GPR137C: variants seen among roughly 807,000 people sequenced by gnomAD.
The protein encoded by GPR137C is G protein-coupled receptor 137C.
GPR137C carries 27 observed loss-of-function variants against 43.4 expected under a neutral mutation model. That is an observed-to-expected ratio of 0.62 (90% CI 0.46 to 0.86). The LOEUF (loss-of-function observed/expected upper bound fraction) is 0.86. Ranked by LOEUF, GPR137C falls within the 40% of genes least tolerant of loss-of-function variation. GPR137C has a pLI of 0.00. For missense variants in GPR137C, 522 were observed against 534.6 expected, an observed-to-expected ratio of 0.98 and a Z score of 0.23; for synonymous variants, 285 against 226.9, an observed-to-expected ratio of 1.26 and a Z score of -2.30.
At chr14:52,558,791 A>G (rs919281796) in intron 1 of GPR137C, among the ~76,000 whole-genome samples, 2 of 152,246 alleles carry the variant, frequency 1.3e-5, no homozygotes, top group South Asian at 2.1e-4. Flanking sequence ...ACTGAAATGG[A>G]TGGTTAAACA....
Position 52,603,692 on chromosome 14 carries a change from G to A in GPR137C, c.717+3351G>A, listed in dbSNP as rs572530934. ...TGGGATTACAGGTGCCTGACACCAC[G>A]CCTGGCTAAATTTTTTTTGTGTTAT... is the stretch of plus-strand genomic sequence containing the variant. On this transcript the variant is annotated intron_variant, in intron 3 of 6. Coordinates refer to ENST00000321662, the MANE Select transcript of GPR137C (RefSeq NM_001099652.2). 7.2e-4 allele frequency among the ~76,000 whole-genome samples: 109 copies of A among 151,890 alleles called. 1 individual carries two copies. The highest frequency in any genetic ancestry group is 3.2e-3 in the Middle Eastern group (1 of 316).
At chr14:52,581,178 AGAGT>A (rs1303385506) in intron 1 of GPR137C, among the ~76,000 whole-genome samples, 2 of 146,910 alleles carry the variant, frequency 1.4e-5, no homozygotes, top group Non-Finnish European at 3.0e-5. Context: ...CCTCGGTGAC[AGAGT>A]GAGACTTCTT....
In GPR137C at chr14:52,554,946, G is replaced by A. The variant is rs578066620; in HGVS notation, c.444+1355G>A. Among the ~76,000 whole-genome samples, 49 of 151,934 alleles carry A rather than the reference G, an allele frequency of 3.2e-4. 3 individuals carry two copies. In the South Asian group the frequency reaches 1.0e-2, roughly 31 times the overall value. On this transcript the variant is annotated intron_variant, in intron 1 of 6. Transcript: ENST00000321662. ...ATGACAAAAACGCAAACCAGTAAGC[G>A]GAAATAAGAAGCATAGGTTATCACA...
intron 3 of GPR137C, among the ~76,000 whole-genome samples, chr14:52,614,997 CT>C: frequency 6.6e-6 from 1 of 152,170 alleles, no homozygotes; most frequent in South Asian, 2.1e-4. Context: ...GCTTTGGTTG[CT>C]TGCGCTTGTG....
intron 1 of GPR137C, among the ~76,000 whole-genome samples, chr14:52,560,771 A>C (rs1403619798): frequency 6.6e-6 from 1 of 152,240 alleles, no homozygotes; most frequent in Non-Finnish European, 1.5e-5. Flanking sequence ...CATAGACCTA[A>C]CTGTAAAAGC....
chr14:52,622,660 A>G (rs578175989), intron 3 of GPR137C, among the ~76,000 whole-genome samples: 16 of 152,100 alleles, frequency 1.1e-4, no homozygotes, highest in African/African-American at 2.2e-4. Flanking sequence ...TCTGTCAGGT[A>G]AAAAATGGTG....
intron 3 of GPR137C, among the ~76,000 whole-genome samples, chr14:52,609,606 C>G (rs1174930526): frequency 1.3e-5 from 2 of 152,226 alleles, no homozygotes; most frequent in Non-Finnish European, 2.9e-5. Context: ...GAGCCTGTGT[C>G]TACTGCAGTT....
chr14:52,629,939 G>A lies in GPR137C; in HGVS notation c.718-2221G>A, dbSNP rs114132951. On this transcript the variant is annotated intron_variant, in intron 3 of 6. Transcript: ENST00000321662. ...GAATTTCTTTAAAAGTGGTATGTAG[G>A]TGTCAGAGACCGGGAAAGGAAAATC... Among the ~76,000 whole-genome samples, 393 of 152,258 alleles carry A rather than the reference G, an allele frequency of 2.6e-3. 2 individuals carry two copies. Among genetic ancestry groups the A allele is most frequent in the African/African-American group, 9.1e-3 (377 of 41,538 alleles).
At chr14:52,614,867 T>C (rs567561310) in intron 3 of GPR137C, among the ~76,000 whole-genome samples, 108 of 152,350 alleles carry the variant, frequency 7.1e-4, no homozygotes, top group African/African-American at 2.6e-3. Context: ...TAATCCCTTG[T>C]CAGATGAGTA....
intron 1 of GPR137C, among the ~76,000 whole-genome samples, chr14:52,559,101 G>T (rs1406954453): frequency 1.3e-5 from 2 of 152,206 alleles, no homozygotes; most frequent in Non-Finnish European, 2.9e-5. Context: ...ACACTGACCT[G>T]GTGCAGTGGC....
At chr14:52,609,307 A>T (rs1429461394) in intron 3 of GPR137C, among the ~76,000 whole-genome samples, 7 of 152,110 alleles carry the variant, frequency 4.6e-5, no homozygotes, top group East Asian at 3.9e-4. Flanking sequence ...TATATTCCTC[A>T]TTTGAGTCTC....
Position 52,553,575 on chromosome 14 carries a change from A to G in GPR137C, c.428A>G (p.Asn143Ser), listed in dbSNP as rs1302446163. 6.7e-7 allele frequency: 1 copy of G among 1,488,292 alleles called. No individual in the cohort carries two copies. Among genetic ancestry groups the G allele is most frequent in the South Asian group, 1.2e-5 (1 of 85,592 alleles). The allele number at this position is 1,488,292 out of a possible 1,614,324, so 92.2% of individuals were successfully genotyped here. A position where few individuals can be genotyped will look rare whatever the true frequency, so the allele number is the denominator to read the frequency against. The change falls in exon 1 of 7, where the codon AAC becomes AGC. Residue 143 changes from asparagine (N) to serine (S), a missense_variant. By Grantham distance (46) the Asn-to-Ser change is conservative. Coordinates refer to ENST00000321662, the MANE Select transcript of GPR137C (RefSeq NM_001099652.2). ...CLQFSTLCLL[N>S]LYLAEVICKV... ...CAGTTCTCCACGCTCTGTCTCCTCA[A>G]CCTCTACCTGGCGGAGGTAAGGCGG...
chr14:52,627,874 A>G (rs1343556999), intron 3 of GPR137C, among the ~76,000 whole-genome samples: 2 of 152,188 alleles, frequency 1.3e-5, no homozygotes, highest in Non-Finnish European at 2.9e-5. Context: ...AATAAAAAAT[A>G]AAGTAGTGCT....
At chr14:52,589,598 A>G (rs1481649149) in intron 1 of GPR137C, among the ~76,000 whole-genome samples, 1 of 152,150 alleles carries the variant, frequency 6.6e-6, no homozygotes, top group Non-Finnish European at 1.5e-5. Context: ...CAGTTTAGAG[A>G]CTAACAGTAT....
chr14:52,600,271 C>G lies in GPR137C; in HGVS notation c.647C>G (p.Ala216Gly), dbSNP rs1173864967. 1 of 1,613,024 alleles carries G rather than the reference C, an allele frequency of 6.2e-7. No individual in the cohort carries two copies. Among genetic ancestry groups the G allele is most frequent in the East Asian group, 2.2e-5 (1 of 44,862 alleles). ...AATGATAGCCTGTTTATTCTTTGTG[C>G]CATCTCTTTAGTGTGTTACATATGC... The part of the protein sequence containing the change: ...LINDSLFILC[A>G]ISLVCYICKI... Residue 216 changes from alanine (A) to glycine (G), a missense_variant, in exon 3 of 7, where the codon GCC becomes GGC. By Grantham distance (60) the Ala-to-Gly change is moderately conservative (BLOSUM62 0). Around this residue, in one of 3 missense-constraint regions of GPR137C, gnomAD observed 437 missense variants for 425.7 expected, o/e 1.03. Transcript: ENST00000321662.
rs1323559537 is a variant in GPR137C, at chr14:52,553,340, T to C, written c.193T>C (p.Tyr65His). 1 of 1,601,572 alleles carries C rather than the reference T, an allele frequency of 6.2e-7. No individual in the cohort carries two copies. The highest frequency in any genetic ancestry group is 1.7e-5 in the Admixed American group (1 of 59,156). The change falls in exon 1 of 7, where the codon TAC becomes CAC. Residue 65 changes from tyrosine to histidine, a missense_variant. Physicochemically the swap from Tyr to His is moderately conservative, Grantham distance 83. Transcript: ENST00000321662. The stretch of plus-strand genomic sequence containing the variant: ...CTACGCCGCGCTGTTCGCCTTTGCC[T>C]ACCTGCAGCTGTGGCGGCTGCTCCT... ...LLYAALFAFAYLQLWRLLLYR... is the reference protein window; with the variant it reads ...LLYAALFAFAHLQLWRLLLYR...
chr14:52,625,053 A>G (rs1390769062), intron 3 of GPR137C, among the ~76,000 whole-genome samples: 1 of 152,238 alleles, frequency 6.6e-6, no homozygotes, highest in African/African-American at 2.4e-5. Flanking sequence ...TTTGTAATCT[A>G]AGTAGACCCA....
chr14:52,617,946 A>T (rs562795257), intron 3 of GPR137C, among the ~76,000 whole-genome samples: 1 of 152,342 alleles, frequency 6.6e-6, no homozygotes, highest in South Asian at 2.1e-4. Flanking sequence ...CCACTAAAAA[A>T]TTGCTTATAA....
chr14:52,612,615 G>A (rs1167167555), intron 3 of GPR137C: 1 of 641,322 alleles, frequency 1.6e-6, no homozygotes, highest in Non-Finnish European at 1.9e-6. Context: ...AGGCTGGAAT[G>A]TAGTGGCGCA....
Sources: gnomAD v4.1 joint callset for allele counts (sites outside exome capture counted in the v4.1 genomes callset) on GRCh38, gnomAD v4.1.1 for gene constraint, gnomAD v4.1.1 regional missense constraint, MANE v1.5 for transcripts, NCBI Gene and HGNC (gene_info 2026-07-23, HGNC 2026-07-21) for gene names.